KCNQ1: variants seen among roughly 807,000 people sequenced by gnomAD.
KCNQ1 encodes the protein potassium voltage-gated channel subfamily KQT member 1.
KCNQ1 carries 49 observed loss-of-function variants against 72.4 expected under a neutral mutation model. That is an observed-to-expected ratio of 0.68 (90% CI 0.54 to 0.86). The LOEUF is 0.86. Among genes scored for constraint, KCNQ1 ranks in the 40% least tolerant of loss-of-function variants. The pLI is 0.00. For synonymous variants in KCNQ1, 450 were observed against 412.6 expected, an observed-to-expected ratio of 1.09 and a Z score of -1.10; for missense variants, 790 against 945.1, an observed-to-expected ratio of 0.84 and a Z score of 2.15.
intron 15 of KCNQ1, 65 bp from the exon 16 acceptor site, chr11:2,847,702 T>C: frequency 6.8e-7 from 1 of 1,464,880 alleles, no homozygotes; most frequent in Non-Finnish European, 9.4e-7. Context: ...ACCTGGGCCC[T>C]GAGGCTGTCT....
At chr11:2,777,771 A>G (rs796718251) in intron 14 of KCNQ1, 8 of 634,868 alleles carry the variant, frequency 1.3e-5, no homozygotes, top group East Asian at 1.1e-4. Flanking sequence ...GATGGAGCCC[A>G]GGTCCCCAGC....
At position 2,601,699 on chromosome 11, in the gene KCNQ1, C is replaced by T. The variant is rs1313943744; in HGVS notation, c.1393+12845C>T. Among the ~76,000 whole-genome samples the T allele has an allele frequency of 1.3e-5, 2 of 152,212 alleles. No homozygotes were observed. Among genetic ancestry groups the T allele is most frequent in the African/African-American group, 4.8e-5 (2 of 41,464 alleles). ...ATATCTTAGAAACGGGGTCTTTTGGCTCGGCATCATTCTCTGGATTCATTC... is the reference window on the plus strand; with the variant it reads ...ATATCTTAGAAACGGGGTCTTTTGGTTCGGCATCATTCTCTGGATTCATTC... On this transcript the variant is annotated intron_variant, in intron 10 of 15. Transcript: ENST00000155840. This position sits in a 1 kb window ranked among gnomAD's most constrained non-coding sequence, Gnocchi z 5.2.
At chr11:2,561,286 C>T (rs1294834939) in intron 2 of KCNQ1, among the ~76,000 whole-genome samples, 1 of 152,156 alleles carries the variant, frequency 6.6e-6, no homozygotes, top group Non-Finnish European at 1.5e-5. Flanking sequence ...GCCAGGAAGG[C>T]CAGGTGACGT....
At chr11:2,577,583 T>C (rs1400594145) in intron 6 of KCNQ1, among the ~76,000 whole-genome samples, 7 of 152,160 alleles carry the variant, frequency 4.6e-5, no homozygotes, top group Non-Finnish European at 7.4e-5. Context: ...CCCTCGTGAA[T>C]TGGTGTTCGT....
At chr11:2,660,195 T>C (rs1174493697) in intron 10 of KCNQ1, 1 of 398,298 alleles carries the variant, frequency 2.5e-6, no homozygotes, top group Non-Finnish European at 4.4e-6. Flanking sequence ...TAGATTTTTT[T>C]TCAGTAAGTT....
At chr11:2,465,671 C>T (rs1359237850) in intron 1 of KCNQ1, among the ~76,000 whole-genome samples, 1 of 152,276 alleles carries the variant, frequency 6.6e-6, no homozygotes, top group African/African-American at 2.4e-5. Context: ...GAGGGGTGGG[C>T]GCCGAGCTCT....
intron 10 of KCNQ1, chr11:2,634,798 A>T (rs1165738705): frequency 6.6e-6 from 1 of 152,248 alleles, no homozygotes; most frequent in Non-Finnish European, 1.5e-5. Flanking sequence ...TCCCACCAAC[A>T]GTGTAAAAGC....
chr11:2,562,355 G>C lies in KCNQ1; in HGVS notation c.478-8273G>C, dbSNP rs1205007477. Among the ~76,000 whole-genome samples the C allele has an allele frequency of 1.3e-5, 2 of 152,186 alleles. No homozygotes were observed. Among genetic ancestry groups the C allele is most frequent in the Non-Finnish European group, 2.9e-5 (2 of 68,012 alleles). On this transcript the variant is annotated intron_variant, in intron 2 of 15. Coordinates refer to ENST00000155840, the MANE Select transcript of KCNQ1 (RefSeq NM_000218.3). This position sits in a 1 kb window ranked among gnomAD's most constrained non-coding sequence, Gnocchi z 7.5. ...GGCCCTGGGACAAAGGGCGCTTTGAGCTGCCTGAGTGCCTGCATTGCCCTC... is the reference window on the plus strand; with the variant it reads ...GGCCCTGGGACAAAGGGCGCTTTGACCTGCCTGAGTGCCTGCATTGCCCTC...
At chr11:2,571,808 A>G (rs777121150) in intron 4 of KCNQ1, among the ~76,000 whole-genome samples, 7 of 152,132 alleles carry the variant, frequency 4.6e-5, no homozygotes, top group Non-Finnish European at 8.8e-5. Context: ...GTGTGGGCAG[A>G]TTCAGAGCAG....
rs1850239917 is a variant in KCNQ1, at chr11:2,674,017, C to G, written c.1514+11936C>G. On this transcript the variant is annotated intron_variant, in intron 11 of 15. Coordinates refer to ENST00000155840, the MANE Select transcript of KCNQ1 (RefSeq NM_000218.3). The surrounding 1 kb of genome is among the most constrained non-coding windows in gnomAD (Gnocchi z 5.9). ...GGGGAGGGCCCTCCGTGCTTTCTGG[C>G]TCTTTGGGCCTGGGGTGCAGCCCCT... is the stretch of plus-strand genomic sequence containing the variant. 3 of 398,404 alleles carry G rather than the reference C, an allele frequency of 7.5e-6. No homozygotes were observed. Among genetic ancestry groups the G allele is most frequent in the African/African-American group, 6.2e-5 (3 of 48,594 alleles). 24.7% of individuals were successfully genotyped at this position (398,404 alleles called of 1,614,324 possible). A position where few individuals can be genotyped will look rare whatever the true frequency, so the allele number is the denominator to read the frequency against.
rs1318931934 is a variant in KCNQ1 at position 2,847,919 on chromosome 11, C to A, written c.1947C>A (p.Asp649Glu). ...TQPCGSGGSVDPELFLPSNTL... is the reference protein window; with the variant it reads ...TQPCGSGGSVEPELFLPSNTL... The stretch of plus-strand genomic sequence containing the variant: ...CCTGCGGCAGTGGCGGCTCCGTCGA[C>A]CCTGAGCTCTTCCTGCCCAGCAACA... The change falls in exon 16 of 16, where the codon GAC becomes GAA. Residue 649 changes from aspartate (D) to glutamate (E), a missense_variant. This residue lies in a region of KCNQ1 where 94 missense variants were observed against 85.2 expected (regional missense o/e 1.10). Coordinates refer to ENST00000155840, the MANE Select transcript of KCNQ1 (RefSeq NM_000218.3). 6.3e-7 allele frequency: 1 copy of A among 1,576,444 alleles called. No homozygotes were observed. Among genetic ancestry groups the A allele is most frequent in the Non-Finnish European group, 8.6e-7 (1 of 1,160,836 alleles).
At position 2,565,811 on chromosome 11, in the gene KCNQ1, G is replaced by T. The variant is rs2133718123; in HGVS notation, c.478-4817G>T. Among the ~76,000 whole-genome samples, 1 of 152,344 alleles carries T rather than the reference G, an allele frequency of 6.6e-6. No individual in the cohort carries two copies. Among genetic ancestry groups the T allele is most frequent in the African/African-American group, 2.4e-5 (1 of 41,568 alleles). ...CTGTTGTTTCTGCGAAGGTGTCTCA[G>T]GGAGGGGCAGAACCCATGGGGTTTG... On this transcript the variant is annotated intron_variant, in intron 2 of 15. Transcript: ENST00000155840. The surrounding 1 kb of genome is among the most constrained non-coding windows in gnomAD (Gnocchi z 5.6).
intron 12 of KCNQ1, among the ~76,000 whole-genome samples, chr11:2,770,461 G>C (rs186165430): frequency 1.3e-5 from 2 of 152,368 alleles, no homozygotes; most frequent in East Asian, 3.9e-4. Context: ...CTTGCCAAGA[G>C]CAGTATGCGG....
intron 11 of KCNQ1, chr11:2,696,719 T>C (rs1850682625): frequency 5.0e-6 from 2 of 398,642 alleles, no homozygotes; most frequent in Admixed American, 8.8e-5. Flanking sequence ...TGGAAAGATC[T>C]CCCTCTATAT....
rs375194443 is a variant in KCNQ1 at position 2,818,350 on chromosome 11, G to A, written c.1795-29417G>A. Among the ~76,000 whole-genome samples, 39 of 152,296 alleles carry A rather than the reference G, an allele frequency of 2.6e-4. No individual in the cohort carries two copies. The highest frequency in any genetic ancestry group is 9.2e-4 in the Admixed American group (14 of 15,300). ...TGAGCATGTACACAGGCTGCAGCCC[G>A]TGTTCCTGGAGCCACCGTCCCAGGT... is the stretch of plus-strand genomic sequence containing the variant. On this transcript the variant is annotated intron_variant, in intron 15 of 15. Coordinates refer to ENST00000155840, the MANE Select transcript of KCNQ1 (RefSeq NM_000218.3). This position sits in a 1 kb window ranked among gnomAD's most constrained non-coding sequence, Gnocchi z 7.2.
intron 11 of KCNQ1, among the ~76,000 whole-genome samples, chr11:2,722,551 G>C (rs1350313936): frequency 6.6e-6 from 1 of 152,180 alleles, no homozygotes; most frequent in Non-Finnish European, 1.5e-5. Flanking sequence ...GCCACGGCTG[G>C]TGGGTCCCAC....
intron 11 of KCNQ1, among the ~76,000 whole-genome samples, chr11:2,749,641 C>CAAA (rs35701102): frequency 0.12 from 10,004 of 86,876 alleles, 497 homozygotes; most frequent in Middle Eastern, 0.16. Flanking sequence ...ACTAAAAATA[C>CAAA]AAAAAAAAAA....
rs1253125461 is a variant in KCNQ1 at position 2,652,214 on chromosome 11, C to T, written c.1394-9747C>T. 2 of 398,438 alleles carry T rather than the reference C, an allele frequency of 5.0e-6. No homozygotes were observed. The highest frequency in any genetic ancestry group is 8.8e-6 in the Non-Finnish European group (2 of 226,094). 24.7% of individuals were successfully genotyped at this position (398,438 alleles called of 1,614,324 possible). On this transcript the variant is annotated intron_variant, in intron 10 of 15. Transcript: ENST00000155840. This position sits in a 1 kb window ranked among gnomAD's most constrained non-coding sequence, Gnocchi z 5.9. ...GGATTTGGTAGCCAGGGCCTGGAGC[C>T]GGATGCTGAGAATGAGGCCTGCAAC...
intron 12 of KCNQ1, among the ~76,000 whole-genome samples, chr11:2,773,341 T>A (rs1846632982): frequency 6.6e-6 from 1 of 150,590 alleles, no homozygotes; most frequent in African/African-American, 2.5e-5. Context: ...GAAAGGAGGA[T>A]CAAGGCTTAG....
Sources: allele counts gnomAD v4.1 joint callset (sites outside exome capture counted in the v4.1 genomes callset), GRCh38; gene constraint gnomAD v4.1.1; regional missense constraint gnomAD v4.1.1; non-coding constraint Gnocchi (gnomAD v3.1); transcripts MANE v1.5; gene names NCBI Gene and HGNC (gene_info 2026-07-23, HGNC 2026-07-21).